The following PPP2R2A variants were observed in gnomAD, a reference collection of about 807,000 sequenced individuals.
The protein encoded by PPP2R2A is protein phosphatase 2 regulatory subunit Balpha.
In PPP2R2A, 9 loss-of-function variants were observed where a neutral mutation model predicts 53.2. The ratio of observed to expected loss-of-function variants is 0.17; its 90% CI spans 0.10 to 0.30. The LOEUF (loss-of-function observed/expected upper bound fraction) is 0.30, where lower values mean the gene tolerates loss of function less well. Among genes scored for constraint, PPP2R2A ranks in the 10% least tolerant of loss-of-function variants. The pLI is 1.00. For missense variants in PPP2R2A, 235 were observed against 534.6 expected (o/e 0.44, Z 5.53); for synonymous variants, 169 against 174.2 (o/e 0.97, Z 0.23).
chr8:26,365,728 C>T (rs1031633670), intron 8 of PPP2R2A: 1 of 152,088 alleles, frequency 6.6e-6, no homozygotes, highest in Admixed American at 6.6e-5. Flanking sequence ...AAAAAACAGG[C>T]ACAGCTTTGT....
intron 2 of PPP2R2A, among the ~76,000 whole-genome samples, chr8:26,313,266 C>T (rs558803943): frequency 4.5e-4 from 69 of 152,172 alleles, no homozygotes; most frequent in African/African-American, 1.5e-3. Context: ...AACCCCTGAC[C>T]TCAGGTGGTT....
In PPP2R2A at chr8:26,361,175, G is replaced by A. The variant is rs761760958; in HGVS notation, c.637+24G>A. ...TAGTATCCATTTGGTTTTCTTTGGT[G>A]TTTGGTGAAGAAGGCATGTTGTGCC... On this transcript the variant is annotated intron_variant, in intron 6 of 9. Transcript: ENST00000380737. 22 of 1,549,980 alleles carry A rather than the reference G, an allele frequency of 1.4e-5. No individual in the cohort carries two copies. In the South Asian group the frequency reaches 2.2e-4, roughly 16 times the overall value.
At chr8:26,359,000 T>G (rs539956114) in intron 4 of PPP2R2A, 89 of 453,710 alleles carry the variant, frequency 2.0e-4, no homozygotes, top group South Asian at 1.4e-3. Context: ...AAACATTGTC[T>G]TAACCAAATG....
At chr8:26,297,088 G>C (rs1287696392) in intron 2 of PPP2R2A, among the ~76,000 whole-genome samples, 1 of 152,056 alleles carries the variant, frequency 6.6e-6, no homozygotes, top group Non-Finnish European at 1.5e-5. Flanking sequence ...ATTTCCAAAG[G>C]CATGTAAAAA....
At chr8:26,341,439 A>T (rs957369744) in intron 3 of PPP2R2A, among the ~76,000 whole-genome samples, 1 of 152,104 alleles carries the variant, frequency 6.6e-6, no homozygotes, top group African/African-American at 2.4e-5. Context: ...ACCTAATGTA[A>T]TTGAATGAGA....
chr8:26,353,245 T>G (rs1267456687), intron 3 of PPP2R2A, among the ~76,000 whole-genome samples: 1 of 152,206 alleles, frequency 6.6e-6, no homozygotes, highest in South Asian at 2.1e-4. Flanking sequence ...ATCCCCGATA[T>G]GTGGATCGTT....
rs1805139896 is a variant in PPP2R2A at position 26,362,187 on chromosome 8, G to A, written c.638-497G>A. ...TCACGCAAGTCATGATGCATGATTG[G>A]GTAAATAAAAATATTCTATTGAGGC... is the stretch of plus-strand genomic sequence containing the variant. On this transcript the variant is annotated intron_variant, in intron 6 of 9. Transcript: ENST00000380737. This position sits in a 1 kb window ranked among gnomAD's most constrained non-coding sequence, Gnocchi z 4.4. 6.6e-6 allele frequency among the ~76,000 whole-genome samples: 1 copy of A among 151,386 alleles called. No homozygotes were observed. The highest frequency in any genetic ancestry group is 6.6e-5 in the Admixed American group (1 of 15,196).
At chr8:26,337,195 G>C (rs1356781658) in intron 2 of PPP2R2A, among the ~76,000 whole-genome samples, 1 of 152,104 alleles carries the variant, frequency 6.6e-6, no homozygotes, top group East Asian at 1.9e-4. Flanking sequence ...ATCAAAGATA[G>C]GTATTTTGGT....
chr8:26,330,460 C>T (rs1238119607), intron 2 of PPP2R2A, among the ~76,000 whole-genome samples: 1 of 151,696 alleles, frequency 6.6e-6, no homozygotes, highest in Non-Finnish European at 1.5e-5. Context: ...CCTGAGTAGC[C>T]GGGACCGCAG....
intron 3 of PPP2R2A, among the ~76,000 whole-genome samples, chr8:26,351,224 G>T (rs1804486767): frequency 6.6e-6 from 1 of 151,808 alleles, no homozygotes; most frequent in African/African-American, 2.4e-5. Flanking sequence ...AGAACTGTAT[G>T]ACTGGTACTG....
intron 3 of PPP2R2A, among the ~76,000 whole-genome samples, chr8:26,347,195 C>T (rs1804262557): frequency 6.8e-6 from 1 of 147,358 alleles, no homozygotes; most frequent in Non-Finnish European, 1.5e-5. Flanking sequence ...TTTAATCTAA[C>T]ACCAGGTAGG....
At position 26,338,985 on chromosome 8, in the gene PPP2R2A, G is replaced by C. The variant is rs753035491; in HGVS notation, c.178G>C (p.Glu60Gln). Reference sequence around the variant, plus strand: ...AGTTGTCATCTTTCAACAGGAGCAGGAGGTAAGTGTTTAAAGTTTATTGTC... The same window carrying C: ...AGTTGTCATCTTTCAACAGGAGCAGCAGGTAAGTGTTTAAAGTTTATTGTC... ...GRVVIFQQEQ[E>Q]NKIQSHSRGE... Residue 60 changes from glutamate (E) to glutamine (Q), a missense_variant and splice_region_variant, in exon 3 of 10, where the codon GAG becomes CAG. Around this residue, in one of 3 missense-constraint regions of PPP2R2A, gnomAD observed 51 missense variants for 80.6 expected, o/e 0.63. Transcript: ENST00000380737. The surrounding 1 kb of genome is among the most constrained non-coding windows in gnomAD (Gnocchi z 4.5). The C allele has an allele frequency of 1.9e-6, 3 of 1,594,282 alleles. No homozygotes were observed. The South Asian group carries it at 3.3e-5, about 18-fold the overall frequency.
At chr8:26,367,370 C>T (rs1420893860) in intron 9 of PPP2R2A, among the ~76,000 whole-genome samples, 1 of 152,156 alleles carries the variant, frequency 6.6e-6, no homozygotes, top group Admixed American at 6.5e-5. Context: ...GTGTGGCGCA[C>T]AGCTACAACC....
At chr8:26,363,695 T>C in intron 7 of PPP2R2A, 26 bp from the exon 8 acceptor site, 1 of 1,533,234 alleles carries the variant, frequency 6.5e-7, no homozygotes, top group Non-Finnish European at 8.8e-7. Context: ...CCTTGCCCTT[T>C]TTGTGTTGTT....
At chr8:26,350,967 T>A (rs1352363781) in intron 3 of PPP2R2A, among the ~76,000 whole-genome samples, 1 of 152,118 alleles carries the variant, frequency 6.6e-6, no homozygotes, top group African/African-American at 2.4e-5. Flanking sequence ...GGCTGGGCAA[T>A]ATAGCAAGAC....
chr8:26,337,146 G>C (rs1163839065), intron 2 of PPP2R2A, among the ~76,000 whole-genome samples: 1 of 152,170 alleles, frequency 6.6e-6, no homozygotes, highest in Admixed American at 6.5e-5. Context: ...ATTGGTTTCA[G>C]ATGTGAGCAT....
chr8:26,295,136 C>G (rs775272491), intron 2 of PPP2R2A, among the ~76,000 whole-genome samples: 14 of 152,260 alleles, frequency 9.2e-5, no homozygotes, highest in Middle Eastern at 3.4e-3. Context: ...TATGAAAGTG[C>G]TGTATACTTG....
At chr8:26,347,780 A>C (rs1168132848) in intron 3 of PPP2R2A, among the ~76,000 whole-genome samples, 1 of 152,214 alleles carries the variant, frequency 6.6e-6, no homozygotes, top group Admixed American at 6.5e-5. Context: ...AGAATAGTAC[A>C]TAATAGGCAC....
chr8:26,368,118 CG>C (rs1160053972), intron 9 of PPP2R2A, among the ~76,000 whole-genome samples: 1 of 152,160 alleles, frequency 6.6e-6, no homozygotes, highest in African/African-American at 2.4e-5. Context: ...ATTAAAACCA[CG>C]CAAACTCAGA....
Sources: gnomAD v4.1 joint callset for allele counts (sites outside exome capture counted in the v4.1 genomes callset) on GRCh38, gnomAD v4.1.1 for gene constraint, gnomAD v4.1.1 regional missense constraint, Gnocchi (gnomAD v3.1) non-coding constraint, MANE v1.5 for transcripts, NCBI Gene and HGNC (gene_info 2026-07-23, HGNC 2026-07-21) for gene names.